MAP4K4: variants seen among roughly 807,000 people sequenced by gnomAD.
MAP4K4 encodes mitogen-activated protein kinase kinase kinase kinase 4, also known as HPK/GCK-like kinase HGK.
Under a neutral mutation model 189.6 loss-of-function variants are expected in MAP4K4, and 38 were observed. That is an observed-to-expected ratio of 0.20 (90% CI 0.15 to 0.26). The LOEUF (loss-of-function observed/expected upper bound fraction) is 0.26. Among genes scored for constraint, MAP4K4 ranks in the 10% least tolerant of loss-of-function variants. The pLI is 1.00. For missense variants in MAP4K4, 1,054 were observed against 1,726.9 expected, an observed-to-expected ratio of 0.61 and a Z score of 6.91; for synonymous variants, 610 against 624.3, an observed-to-expected ratio of 0.98 and a Z score of 0.34.
chr2:101,888,640 G>C (rs909911265), intron 31 of MAP4K4, among the ~76,000 whole-genome samples, 156 bp from the exon 32 acceptor site: 1 of 152,122 alleles, frequency 6.6e-6, no homozygotes, highest in Admixed American at 6.5e-5. Flanking sequence ...TACAAAGGCA[G>C]AGTTCCTTGA....
intron 3 of MAP4K4, among the ~76,000 whole-genome samples, chr2:101,802,397 C>T (rs748331482): frequency 1.1e-4 from 16 of 152,152 alleles, no homozygotes; most frequent in Non-Finnish European, 2.2e-4. Context: ...AGTAAAAGTA[C>T]GGGTTCTTAC....
intron 2 of MAP4K4, among the ~76,000 whole-genome samples, chr2:101,726,144 G>A (rs1385594691): frequency 6.6e-6 from 1 of 152,222 alleles, no homozygotes; most frequent in African/African-American, 2.4e-5. Flanking sequence ...TTACTGTGAA[G>A]ATAAACCAAT....
intron 2 of MAP4K4, among the ~76,000 whole-genome samples, chr2:101,740,444 G>A (rs1296038426): frequency 3.9e-5 from 4 of 102,464 alleles, no homozygotes; most frequent in South Asian, 2.3e-4. Context: ...GTGAGCCACC[G>A]CGCCCGGCCG....
At chr2:101,868,542 C>G (rs2097885998) in intron 21 of MAP4K4, among the ~76,000 whole-genome samples, 1 of 152,216 alleles carries the variant, frequency 6.6e-6, no homozygotes, top group Non-Finnish European at 1.5e-5. Flanking sequence ...TTGATTGAGT[C>G]TTAGAGTATC....
At chr2:101,790,481 A>G (rs1022153224) in intron 2 of MAP4K4, among the ~76,000 whole-genome samples, 1 of 152,228 alleles carries the variant, frequency 6.6e-6, no homozygotes, top group African/African-American at 2.4e-5. Flanking sequence ...TGAAGGAAAG[A>G]AGTAATTGAT....
Position 101,790,590 on chromosome 2 carries a change from G to A in MAP4K4, c.124-130G>A, listed in dbSNP as rs1011382991. The A allele has an allele frequency of 5.3e-5, 36 of 677,844 alleles. 1 individual carries two copies. The highest frequency in any genetic ancestry group is 4.3e-4 in the South Asian group (27 of 62,080). The allele number at this position is 677,844 out of a possible 1,614,324, so 42.0% of individuals were successfully genotyped here. ...GTATTGGAGAGCACAGGACTATTTCGTCATCACTTTTGGTTAGTCAGAGAT... is the reference window on the plus strand; with the variant it reads ...GTATTGGAGAGCACAGGACTATTTCATCATCACTTTTGGTTAGTCAGAGAT... On this transcript the variant is annotated intron_variant, in intron 2 of 32. Coordinates refer to ENST00000324219, the Ensembl canonical transcript of MAP4K4.
intron 3 of MAP4K4, among the ~76,000 whole-genome samples, chr2:101,812,446 T>A (rs2095487433): frequency 6.6e-6 from 1 of 152,146 alleles, no homozygotes; most frequent in African/African-American, 2.4e-5. Flanking sequence ...CCAGTCCACC[T>A]CCTCACAGCA....
At chr2:101,851,942 TAATA>T (rs2097299937) in intron 12 of MAP4K4, among the ~76,000 whole-genome samples, 1 of 152,032 alleles carries the variant, frequency 6.6e-6, no homozygotes, top group Admixed American at 6.6e-5. Flanking sequence ...CTGTGGTGCT[TAATA>T]AGTATTTCTC....
At chr2:101,855,851 G>A (rs2097435744) in intron 12 of MAP4K4, 126 bp from the exon 13 acceptor site, 2 of 836,348 alleles carry the variant, frequency 2.4e-6, no homozygotes, top group Non-Finnish European at 1.8e-6. Flanking sequence ...TAATTGGCCA[G>A]TAGATATGGG....
chr2:101,709,689 T>C (rs940604860), intron 2 of MAP4K4, among the ~76,000 whole-genome samples: 3 of 152,078 alleles, frequency 2.0e-5, no homozygotes, highest in African/African-American at 4.8e-5. Flanking sequence ...AGTTTTCCTT[T>C]ATCTCAAGCA....
intron 2 of MAP4K4, among the ~76,000 whole-genome samples, chr2:101,719,449 G>A (rs962940632): frequency 3.9e-5 from 6 of 152,264 alleles, no homozygotes; most frequent in South Asian, 2.1e-4. Flanking sequence ...TAAGTTTCTA[G>A]TGAAAATAGA....
intron 2 of MAP4K4, among the ~76,000 whole-genome samples, chr2:101,726,960 G>A (rs2055754249): frequency 6.6e-6 from 1 of 152,130 alleles, no homozygotes; most frequent in African/African-American, 2.4e-5. Flanking sequence ...CTGGTGCAGG[G>A]TATCACCTGG....
At chr2:101,744,089 C>T (rs764641276) in intron 2 of MAP4K4, among the ~76,000 whole-genome samples, 1 of 152,128 alleles carries the variant, frequency 6.6e-6, no homozygotes, top group South Asian at 2.1e-4. Context: ...GGAAGATTAG[C>T]GTGAAACTTG....
intron 2 of MAP4K4, among the ~76,000 whole-genome samples, chr2:101,770,363 C>T (rs969982489): frequency 6.6e-6 from 1 of 151,018 alleles, no homozygotes; most frequent in African/African-American, 2.4e-5. Context: ...ATTCTCCTGC[C>T]TCAGCCTCCC....
At chr2:101,735,704 C>A (rs2060060262) in intron 2 of MAP4K4, among the ~76,000 whole-genome samples, 1 of 152,110 alleles carries the variant, frequency 6.6e-6, no homozygotes, top group African/African-American at 2.4e-5. Flanking sequence ...GGAGACCACT[C>A]CAGTAATAGT....
At chr2:101,712,112 T>C (rs2045939872) in intron 2 of MAP4K4, among the ~76,000 whole-genome samples, 1 of 152,060 alleles carries the variant, frequency 6.6e-6, no homozygotes. Context: ...CAAATGATAT[T>C]ATACCTTACT....
At chr2:101,697,989 A>C in exon 1 of MAP4K4, 1 of 847,668 alleles carries the variant, frequency 1.2e-6, no homozygotes, top group Non-Finnish European at 1.6e-6. Context: ...CTGCCGCGCG[A>C]GGAGCGCGGT....
chr2:101,795,097 TC>T (rs1367078982), intron 3 of MAP4K4, among the ~76,000 whole-genome samples: 2 of 152,130 alleles, frequency 1.3e-5, no homozygotes, highest in African/African-American at 4.8e-5. Flanking sequence ...CTCATAGCCT[TC>T]CCATTATTAG....
At chr2:101,839,195 A>G (rs2096849419) in intron 9 of MAP4K4, among the ~76,000 whole-genome samples, 1 of 152,238 alleles carries the variant, frequency 6.6e-6, no homozygotes, top group Non-Finnish European at 1.5e-5. Flanking sequence ...GCATGGAGAA[A>G]CAGGAAGAAG....
Sources: gnomAD v4.1 joint callset for allele counts (sites outside exome capture counted in the v4.1 genomes callset) on GRCh38, gnomAD v4.1.1 for gene constraint, MANE v1.5 for transcripts, NCBI Gene and HGNC (gene_info 2026-07-23, HGNC 2026-07-21) for gene names.